The following MDGA2 variants were observed in gnomAD, a reference collection of about 807,000 sequenced individuals.
MDGA2 encodes the protein MAM domain-containing glycosylphosphatidylinositol anchor protein 2.
In MDGA2, 40 loss-of-function variants were observed where a neutral mutation model predicts 117.8. The ratio of observed to expected loss-of-function variants is 0.34; its 90% CI spans 0.26 to 0.44. MDGA2 has a LOEUF of 0.44. Among genes scored for constraint, MDGA2 ranks in the 20% least tolerant of loss-of-function variants. MDGA2 has a pLI of 1.00. For missense variants in MDGA2, 1,123 were observed against 1,250.6 expected (o/e 0.90, Z 1.54); for synonymous variants, 452 against 439.0 (o/e 1.03, Z -0.37).
At chr14:46,996,265 G>A (rs915595780) in intron 8 of MDGA2, among the ~76,000 whole-genome samples, 3 of 152,058 alleles carry the variant, frequency 2.0e-5, no homozygotes, top group Admixed American at 6.6e-5. Context: ...AACATTGTTC[G>A]TATCCAAAAT....
chr14:47,294,135 C>CTT (rs1888983397), intron 2 of MDGA2, among the ~76,000 whole-genome samples: 2 of 119,832 alleles, frequency 1.7e-5, no homozygotes, highest in Admixed American at 9.5e-5. Flanking sequence ...TTGAGACAGG[C>CTT]TTTTGCTCTT....
At chr14:47,609,428 C>CATATATATATATATATAT (rs3040345) in intron 1 of MDGA2, among the ~76,000 whole-genome samples, 212 of 17,502 alleles carry the variant, frequency 0.012, 28 homozygotes, top group Middle Eastern at 0.056. Flanking sequence ...AGTATTCCAT[C>CATATATATATATATATAT]ATATATATAT....
At chr14:47,386,391 C>T (rs915160525) in intron 1 of MDGA2, among the ~76,000 whole-genome samples, 1 of 151,942 alleles carries the variant, frequency 6.6e-6, no homozygotes. Context: ...AAAATTAAAC[C>T]ACTGACTGAT....
chr14:47,666,489 CA>C (rs1329243884), intron 1 of MDGA2, among the ~76,000 whole-genome samples: 1 of 152,174 alleles, frequency 6.6e-6, no homozygotes, highest in Non-Finnish European at 1.5e-5. Flanking sequence ...CACCAATCGA[CA>C]CTCTGTATCT....
chr14:47,226,495 C>T (rs1886508038), intron 2 of MDGA2, among the ~76,000 whole-genome samples: 1 of 152,016 alleles, frequency 6.6e-6, no homozygotes, highest in Non-Finnish European at 1.5e-5. Context: ...AATTTATTCA[C>T]CTCTGTGAAT....
At chr14:47,609,603 C>CAGT (rs1026690596) in intron 1 of MDGA2, among the ~76,000 whole-genome samples, 1 of 150,670 alleles carries the variant, frequency 6.6e-6, no homozygotes, top group Admixed American at 6.6e-5. Flanking sequence ...GGTAGATACC[C>CAGT]AGTAGTGGGA....
intron 1 of MDGA2, among the ~76,000 whole-genome samples, chr14:47,402,998 T>C (rs1442260001): frequency 1.3e-5 from 2 of 152,166 alleles, no homozygotes; most frequent in Non-Finnish European, 2.9e-5. Flanking sequence ...CTCTTGACTT[T>C]TCTTGTTTCC....
chr14:47,003,758 C>T (rs1181492124), intron 8 of MDGA2, among the ~76,000 whole-genome samples: 16 of 151,922 alleles, frequency 1.1e-4, no homozygotes, highest in African/African-American at 3.6e-4. Context: ...TTTCAAACAG[C>T]AGAAGTTTAT....
chr14:46,962,015 T>C (rs972288535), intron 8 of MDGA2, among the ~76,000 whole-genome samples: 1 of 152,194 alleles, frequency 6.6e-6, no homozygotes, highest in East Asian at 1.9e-4. Context: ...TGTCTTCCTG[T>C]GTGTTCTTGA....
chr14:47,225,551 T>A (rs969525544), intron 2 of MDGA2, among the ~76,000 whole-genome samples: 18 of 43,632 alleles, frequency 4.1e-4, no homozygotes, highest in South Asian at 5.0e-4. Context: ...CTCAGTAAAC[T>A]ATCGCCAAGG....
chr14:47,047,215 T>C (rs529844970), intron 7 of MDGA2, among the ~76,000 whole-genome samples: 44 of 152,252 alleles, frequency 2.9e-4, no homozygotes, highest in African/African-American at 1.1e-3. Context: ...ATTTTTTTAA[T>C]AACCATGGAG....
chr14:46,895,750 A>AT (rs1883052024), intron 10 of MDGA2, among the ~76,000 whole-genome samples: 1 of 151,890 alleles, frequency 6.6e-6, no homozygotes, highest in Admixed American at 6.6e-5. Context: ...AAAAAGAATA[A>AT]CTAGGTATAT....
intron 1 of MDGA2, among the ~76,000 whole-genome samples, chr14:47,447,965 T>C (rs748797990): frequency 1.3e-5 from 2 of 152,016 alleles, no homozygotes; most frequent in Non-Finnish European, 2.9e-5. Flanking sequence ...TGTATTTTCC[T>C]GAGTGGGGTG....
chr14:47,026,476 C>T (rs750701665), intron 8 of MDGA2, among the ~76,000 whole-genome samples: 4 of 151,984 alleles, frequency 2.6e-5, no homozygotes, highest in Non-Finnish European at 5.9e-5. Context: ...AATTTGATAG[C>T]ACTTTATATT....
chr14:47,201,248 G>T, intron 3 of MDGA2: 1 of 491,838 alleles, frequency 2.0e-6, no homozygotes, highest in Non-Finnish European at 3.8e-6. Flanking sequence ...CAAATGCTGT[G>T]ATTTCAATAT....
chr14:47,353,055 C>T (rs889057765), intron 1 of MDGA2, among the ~76,000 whole-genome samples: 8 of 152,012 alleles, frequency 5.3e-5, no homozygotes, highest in Admixed American at 5.2e-4. Context: ...TTAATTATTG[C>T]TTGAGAAACT....
At chr14:46,919,186 T>G (rs1323577996) in intron 10 of MDGA2, among the ~76,000 whole-genome samples, 1 of 152,194 alleles carries the variant, frequency 6.6e-6, no homozygotes, top group Non-Finnish European at 1.5e-5. Context: ...AAAATTTTAT[T>G]CTCTCTACCA....
At chr14:47,646,739 C>T (rs1594961092) in intron 1 of MDGA2, among the ~76,000 whole-genome samples, 1 of 152,174 alleles carries the variant, frequency 6.6e-6, no homozygotes. Context: ...AAATATGGCA[C>T]ATTCTGCACA....
chr14:47,454,646 G>T (rs1397049140), intron 1 of MDGA2, among the ~76,000 whole-genome samples: 6 of 152,064 alleles, frequency 3.9e-5, no homozygotes, highest in African/African-American at 1.4e-4. Context: ...TAATTTCTCA[G>T]GTTTAACAGT....
Sources: allele counts gnomAD v4.1 joint callset (sites outside exome capture counted in the v4.1 genomes callset), GRCh38; gene constraint gnomAD v4.1.1; transcripts MANE v1.5; gene names NCBI Gene and HGNC (gene_info 2026-07-23, HGNC 2026-07-21).